PCDHGA4: variants seen among roughly 807,000 people sequenced by gnomAD.
The protein encoded by PCDHGA4 is protocadherin gamma-A4.
PCDHGA4 carries 38 observed loss-of-function variants against 54.6 expected under a neutral mutation model. That is an observed-to-expected ratio of 0.70 (90% CI 0.54 to 0.91). PCDHGA4 has a LOEUF of 0.91. Ranked by LOEUF, PCDHGA4 falls within the 40% of genes least tolerant of loss-of-function variation. The pLI is 0.00. For missense variants in PCDHGA4, 1,298 were observed against 1,220.9 expected, an observed-to-expected ratio of 1.06 and a Z score of -0.94; for synonymous variants, 511 against 512.9, an observed-to-expected ratio of 1.00 and a Z score of 0.05.
intron 1 of PCDHGA4, chr5:141,362,674 AT>A: frequency 8.0e-7 from 1 of 1,246,856 alleles, no homozygotes; most frequent in Non-Finnish European, 1.1e-6. Flanking sequence ...TTGTGCCTTA[AT>A]TGTCTTAATC....
chr5:141,489,944 T>C lies in PCDHGA4; in HGVS notation c.2515-4863T>C. On this transcript the variant is annotated intron_variant, in intron 1 of 3. Coordinates refer to ENST00000571252, the MANE Select transcript of PCDHGA4 (RefSeq NM_018917.4). The surrounding 1 kb of genome is among the most constrained non-coding windows in gnomAD (Gnocchi z 4.5). Reference sequence around the variant, plus strand: ...CTTATCTCTGTCATCGTGCTGGACATCAATGATAATGCTCCAACCTTCCAA... The same window carrying C: ...CTTATCTCTGTCATCGTGCTGGACACCAATGATAATGCTCCAACCTTCCAA... 6.2e-7 allele frequency: 1 copy of C among 1,614,172 alleles called. No homozygotes were observed. Among genetic ancestry groups the C allele is most frequent in the Non-Finnish European group, 8.5e-7 (1 of 1,180,010 alleles).
At chr5:141,445,508 T>C (rs2098468947) in intron 1 of PCDHGA4, among the ~76,000 whole-genome samples, 1 of 152,200 alleles carries the variant, frequency 6.6e-6, no homozygotes, top group Non-Finnish European at 1.5e-5. Context: ...TAATACATGA[T>C]ATTTTACAGG....
intron 2 of PCDHGA4, 105 bp downstream of exon 2, chr5:141,494,970 C>T (rs1352514628): frequency 1.9e-6 from 3 of 1,584,974 alleles, no homozygotes; most frequent in East Asian, 4.6e-5. Context: ...GATGGCTTCT[C>T]CCTCAGTTTG....
Position 141,361,351 on chromosome 5 carries a change from A to T in PCDHGA4, c.2514+3730A>T, listed in dbSNP as rs200180237. Reference sequence around the variant, plus strand: ...CTCAAAGAACTATTACAAACTAGTGACAGACGGCGCTCTGGACCGGGAGGA... The same window carrying T: ...CTCAAAGAACTATTACAAACTAGTGTCAGACGGCGCTCTGGACCGGGAGGA... On this transcript the variant is annotated intron_variant, in intron 1 of 3. Coordinates refer to ENST00000571252, the MANE Select transcript of PCDHGA4 (RefSeq NM_018917.4). 1.6e-3 allele frequency: 2,637 copies of T among 1,613,994 alleles called. 1 individual carries two copies. Among genetic ancestry groups the T allele is most frequent in the Non-Finnish European group, 2.1e-3 (2,436 of 1,179,894 alleles).
chr5:141,363,560 T>C (rs1191147293), intron 1 of PCDHGA4, among the ~76,000 whole-genome samples: 1 of 152,198 alleles, frequency 6.6e-6, no homozygotes, highest in East Asian at 1.9e-4. Context: ...AACATGGTAA[T>C]AGAAAAACAT....
intron 1 of PCDHGA4, chr5:141,415,759 T>TTG (rs2095938229): frequency 3.7e-6 from 5 of 1,352,054 alleles, no homozygotes; most frequent in Non-Finnish European, 4.8e-6. Flanking sequence ...TTTTTTTTTT[T>TTG]TTTTTTTTTT....
intron 2 of PCDHGA4, among the ~76,000 whole-genome samples, chr5:141,505,117 G>A (rs575627148): frequency 1.8e-4 from 27 of 152,226 alleles, no homozygotes; most frequent in African/African-American, 3.6e-4. Context: ...AGCCAAGATC[G>A]CGCCACTGCA....
At chr5:141,433,560 G>A (rs1276743163) in intron 1 of PCDHGA4, among the ~76,000 whole-genome samples, 1 of 152,110 alleles carries the variant, frequency 6.6e-6, no homozygotes, top group East Asian at 1.9e-4. Flanking sequence ...TTCTGGCTGG[G>A]CGCGGTGGCT....
At chr5:141,384,599 T>A (rs772846090) in intron 1 of PCDHGA4, 4 of 1,614,132 alleles carry the variant, frequency 2.5e-6, no homozygotes, top group Non-Finnish European at 2.5e-6. Flanking sequence ...TACCCGGCCC[T>A]CCCCACAGAT....
At chr5:141,404,102 T>C (rs1288980459) in intron 1 of PCDHGA4, 16 of 1,613,462 alleles carry the variant, frequency 9.9e-6, no homozygotes, top group Non-Finnish European at 8.5e-7. Context: ...TCAAGTTGTC[T>C]GTTCTATCCA....
chr5:141,497,492 C>G (rs954582026), intron 2 of PCDHGA4, among the ~76,000 whole-genome samples: 1 of 151,628 alleles, frequency 6.6e-6, no homozygotes, highest in Non-Finnish European at 1.5e-5. Flanking sequence ...ACCTCTCTCT[C>G]TCTCCTCTCT....
At chr5:141,459,108 A>G (rs1240280274) in intron 1 of PCDHGA4, among the ~76,000 whole-genome samples, 1 of 152,216 alleles carries the variant, frequency 6.6e-6, no homozygotes, top group Non-Finnish European at 1.5e-5. Flanking sequence ...ATGCATTTTG[A>G]CAATTGTTTA....
In PCDHGA4 at chr5:141,432,540, T is replaced by C. The variant is rs147884705; in HGVS notation, c.2515-62267T>C. The C allele has an allele frequency of 1.2e-6, 2 of 1,613,726 alleles. No homozygotes were observed. The highest frequency in any genetic ancestry group is 2.2e-5 in the South Asian group (2 of 91,058). On this transcript the variant is annotated intron_variant, in intron 1 of 3. Transcript: ENST00000571252. The surrounding 1 kb of genome is among the most constrained non-coding windows in gnomAD (Gnocchi z 6.0). ...TACCTGGTGACCAAGGTGGTGGCGG[T>C]GGACAGAGACTCCGGCCAGAACGCC...
At chr5:141,478,189 C>T (rs774322691) in intron 1 of PCDHGA4, 1 of 1,614,020 alleles carries the variant, frequency 6.2e-7, no homozygotes, top group South Asian at 1.1e-5. Context: ...AAAATCTCAC[C>T]TTTTATCTAC....
chr5:141,419,220 A>G (rs2096345873), intron 1 of PCDHGA4: 1 of 1,613,966 alleles, frequency 6.2e-7, no homozygotes, highest in Non-Finnish European at 8.5e-7. Context: ...GTTTTCGGAC[A>G]GTCAGCCTAC....
intron 1 of PCDHGA4, among the ~76,000 whole-genome samples, chr5:141,465,335 T>C (rs1222292569): frequency 6.6e-6 from 1 of 152,186 alleles, no homozygotes; most frequent in African/African-American, 2.4e-5. Context: ...ATTTTTTATA[T>C]TGGTTACTGA....
chr5:141,413,723 C>G, intron 1 of PCDHGA4: 1 of 1,613,552 alleles, frequency 6.2e-7, no homozygotes, highest in Non-Finnish European at 8.5e-7. Context: ...AAGCACTTCT[C>G]CCTAAGAGTT....
At chr5:141,470,872 TTTTTTGTTTTTG>T (rs900302332) in intron 1 of PCDHGA4, among the ~76,000 whole-genome samples, 1 of 151,814 alleles carries the variant, frequency 6.6e-6, no homozygotes, top group Non-Finnish European at 1.5e-5. Context: ...GTTTGTTTGT[TTTTTTGTTTTTG>T]TTTTTGTTTT....
chr5:141,364,427 T>A, intron 1 of PCDHGA4: 1 of 1,613,768 alleles, frequency 6.2e-7, no homozygotes, highest in Non-Finnish European at 8.5e-7. Flanking sequence ...GCAGATCCGC[T>A]ACTCGATGCC....
Sources: allele counts gnomAD v4.1 joint callset (sites outside exome capture counted in the v4.1 genomes callset), GRCh38; gene constraint gnomAD v4.1.1; non-coding constraint Gnocchi (gnomAD v3.1); transcripts MANE v1.5; gene names NCBI Gene and HGNC (gene_info 2026-07-23, HGNC 2026-07-21).